Variants in PARD3B observed in about 807,000 individuals in gnomAD.
PARD3B encodes par-3 family cell polarity regulator beta, also known as partitioning defective 3 homolog B.
A neutral mutation model predicts 130.2 loss-of-function variants in PARD3B; 103 were observed. The ratio of observed to expected loss-of-function variants is 0.79; its 90% CI spans 0.67 to 0.93. PARD3B has a LOEUF of 0.93. Ranked by LOEUF, PARD3B falls within the 40% of genes least tolerant of loss-of-function variation. The pLI is 0.00. For synonymous variants in PARD3B, 583 were observed against 553.2 expected (o/e 1.05, Z -0.76); for missense variants, 1,609 against 1,499.2 (o/e 1.07, Z -1.21).
chr2:205,248,570 T>G (rs2039676005), intron 16 of PARD3B, among the ~76,000 whole-genome samples: 1 of 151,486 alleles, frequency 6.6e-6, no homozygotes, highest in Non-Finnish European at 1.5e-5. Flanking sequence ...GGTTGTATTT[T>G]AACTTATAAA....
At chr2:205,504,692 G>A (rs991833301) in intron 21 of PARD3B, among the ~76,000 whole-genome samples, 12 of 152,292 alleles carry the variant, frequency 7.9e-5, no homozygotes, top group South Asian at 2.1e-4. Flanking sequence ...ACAATGAGAT[G>A]CCATCTCACA....
At chr2:204,707,610 TTG>T (rs910815266) in intron 2 of PARD3B, among the ~76,000 whole-genome samples, 3 of 152,210 alleles carry the variant, frequency 2.0e-5, no homozygotes, top group African/African-American at 7.2e-5. Flanking sequence ...AAATGAATTA[TTG>T]TGTGTTTGTG....
intron 21 of PARD3B, among the ~76,000 whole-genome samples, chr2:205,506,865 T>G (rs1488127138): frequency 1.3e-5 from 2 of 152,300 alleles, no homozygotes; most frequent in South Asian, 2.1e-4. Flanking sequence ...TAAAGGAAAT[T>G]TTGTTGACTT....
intron 2 of PARD3B, among the ~76,000 whole-genome samples, chr2:204,904,213 A>G (rs1259352096): frequency 1.3e-5 from 2 of 152,220 alleles, no homozygotes; most frequent in East Asian, 3.8e-4. Context: ...CATTCTTCAG[A>G]TAATCCAGGA....
intron 22 of PARD3B, among the ~76,000 whole-genome samples, chr2:205,581,369 G>GTATGTATGTA (rs1160252353): frequency 1.4e-5 from 2 of 139,050 alleles, no homozygotes; most frequent in Non-Finnish European, 3.0e-5. Flanking sequence ...GTGTACGTGT[G>GTATGTATGTA]TATGTATGTA....
intron 1 of PARD3B, among the ~76,000 whole-genome samples, chr2:204,628,804 T>C (rs899613071): frequency 3.3e-5 from 5 of 152,168 alleles, no homozygotes; most frequent in Admixed American, 6.6e-5. Flanking sequence ...AGATGGGAAA[T>C]GAATGAAGCA....
chr2:204,780,896 T>C (rs1438152405), intron 2 of PARD3B, among the ~76,000 whole-genome samples: 2 of 152,036 alleles, frequency 1.3e-5, no homozygotes, highest in African/African-American at 2.4e-5. Context: ...AAAAAAGATA[T>C]GTCATTGCAC....
At chr2:204,805,826 A>G (rs2042746808) in intron 2 of PARD3B, among the ~76,000 whole-genome samples, 2 of 152,190 alleles carry the variant, frequency 1.3e-5, no homozygotes, top group South Asian at 2.1e-4. Context: ...GGTCATTTCA[A>G]TTGATGCTGA....
At chr2:205,180,515 GA>G (rs2035729699) in intron 13 of PARD3B, among the ~76,000 whole-genome samples, 2 of 151,610 alleles carry the variant, frequency 1.3e-5, no homozygotes, top group South Asian at 4.2e-4. Flanking sequence ...ATCTTCTTTA[GA>G]AAAACAAGAT....
rs185874983 is a variant in PARD3B, at chr2:205,100,420, A to G, written c.505-4006A>G. ...ATTGTGATACTCTCCAAATTGATCT[A>G]TGTATTCAATGCAATCCCTAGCAAA... On this transcript the variant is annotated intron_variant, in intron 4 of 22. Coordinates refer to ENST00000406610, the MANE Select transcript of PARD3B (RefSeq NM_001302769.2). Among the ~76,000 whole-genome samples the G allele has an allele frequency of 9.6e-4, 146 of 152,168 alleles. 2 individuals carry two copies. In the Middle Eastern group the frequency reaches 0.01, roughly 11 times the overall value.
intron 22 of PARD3B, among the ~76,000 whole-genome samples, chr2:205,561,315 T>C (rs2053126858): frequency 6.6e-6 from 1 of 152,188 alleles, no homozygotes; most frequent in African/African-American, 2.4e-5. Context: ...TTTCCAGCAA[T>C]GCCACAGTAC....
At chr2:205,226,155 C>A (rs1022726287) in intron 15 of PARD3B, among the ~76,000 whole-genome samples, 1 of 152,216 alleles carries the variant, frequency 6.6e-6, no homozygotes, top group African/African-American at 2.4e-5. Flanking sequence ...CATTCTCCTG[C>A]CTCAGCCTCC....
intron 1 of PARD3B, among the ~76,000 whole-genome samples, chr2:204,559,315 G>C (rs2031147549): frequency 6.6e-6 from 1 of 152,078 alleles, no homozygotes; most frequent in African/African-American, 2.4e-5. Flanking sequence ...CTAATATCCA[G>C]AATCTACAAA....
rs540167474 is a variant in PARD3B at position 204,673,878 on chromosome 2, A to T, written c.121-12303A>T. On this transcript the variant is annotated intron_variant, in intron 1 of 22. Coordinates refer to ENST00000406610, the MANE Select transcript of PARD3B (RefSeq NM_001302769.2). This position sits in a 1 kb window ranked among gnomAD's most constrained non-coding sequence, Gnocchi z 4.7. Reference sequence around the variant, plus strand: ...CTTAGATGTTGCAAGAACTCAACACATGTTGCAGAAAGGACTGCCATTGAC... The same window carrying T: ...CTTAGATGTTGCAAGAACTCAACACTTGTTGCAGAAAGGACTGCCATTGAC... 6.6e-6 allele frequency among the ~76,000 whole-genome samples: 1 copy of T among 152,280 alleles called. No homozygotes were observed. The highest frequency in any genetic ancestry group is 6.5e-5 in the Admixed American group (1 of 15,292).
At chr2:204,821,995 GGGAAAT>G (rs2043379412) in intron 2 of PARD3B, among the ~76,000 whole-genome samples, 1 of 152,112 alleles carries the variant, frequency 6.6e-6, no homozygotes, top group African/African-American at 2.4e-5. Context: ...CTTATTATTT[GGGAAAT>G]ACATTTCATA....
At chr2:204,560,670 G>A (rs2031250655) in intron 1 of PARD3B, among the ~76,000 whole-genome samples, 1 of 152,122 alleles carries the variant, frequency 6.6e-6, no homozygotes, top group Admixed American at 6.5e-5. Flanking sequence ...AGAATTGTGG[G>A]AAGTTTCTCC....
intron 18 of PARD3B, among the ~76,000 whole-genome samples, chr2:205,329,024 A>T (rs902228412): frequency 6.6e-6 from 1 of 152,204 alleles, no homozygotes; most frequent in African/African-American, 2.4e-5. Context: ...TTTGCTAAAT[A>T]ACCCTATTGG....
intron 16 of PARD3B, among the ~76,000 whole-genome samples, chr2:205,246,705 G>A (rs2039588186): frequency 1.3e-5 from 2 of 152,168 alleles, no homozygotes; most frequent in Admixed American, 6.5e-5. Flanking sequence ...GTTTTCAGCA[G>A]TAAGTGGCCT....
chr2:205,578,301 A>G (rs1021147915), intron 22 of PARD3B, among the ~76,000 whole-genome samples: 5 of 152,224 alleles, frequency 3.3e-5, no homozygotes, highest in African/African-American at 1.2e-4. Flanking sequence ...TTTCATTAAT[A>G]TCATGTCATC....
Sources: gnomAD v4.1 joint callset for allele counts (sites outside exome capture counted in the v4.1 genomes callset) on GRCh38, gnomAD v4.1.1 for gene constraint, Gnocchi (gnomAD v3.1) non-coding constraint, MANE v1.5 for transcripts, NCBI Gene and HGNC (gene_info 2026-07-23, HGNC 2026-07-21) for gene names.